PTGR1: variants seen among roughly 807,000 people sequenced by gnomAD.
PTGR1 encodes 15-oxoprostaglandin 13-reductase.
In PTGR1, 23 loss-of-function variants were observed where a neutral mutation model predicts 37.7. The ratio of observed to expected loss-of-function variants is 0.61; its 90% confidence interval spans 0.44 to 0.86. PTGR1 has a LOEUF of 0.86. Ranked by LOEUF, PTGR1 falls within the 40% of genes least tolerant of loss-of-function variation. The pLI, the probability that PTGR1 is intolerant of heterozygous loss-of-function variation, is 0.00. For synonymous variants in PTGR1, 134 were observed against 140.0 expected (o/e 0.96, Z 0.30); for missense variants, 351 against 394.3 (o/e 0.89, Z 0.93).
Position 111,581,144 on chromosome 9 carries a change from G to A in PTGR1, c.496-2193C>T, listed in dbSNP as rs373177568. Reference sequence around the variant, plus strand: ...AGCCTCAGCTATGAAAAACTTAATTGCTAATCTAGAAACTGATGCTGCTGC... The same window carrying A: ...AGCCTCAGCTATGAAAAACTTAATTACTAATCTAGAAACTGATGCTGCTGC... On this transcript the variant is annotated intron_variant, in intron 6 of 9. Transcript: ENST00000407693. Among the ~76,000 whole-genome samples the A allele has an allele frequency of 1.1e-4, 17 of 152,310 alleles. No individual in the cohort carries two copies. The South Asian group carries it at 3.1e-3, about 28-fold the overall frequency.
At chr9:111,599,376 T>TC (rs1829875231) in intron 1 of PTGR1, 1 of 152,378 alleles carries the variant, frequency 6.6e-6, no homozygotes, top group Non-Finnish European at 1.5e-5. Flanking sequence ...TCCTATTCCC[T>TC]CCGGCGCGCG....
At chr9:111,595,082 T>C (rs1589323810) in intron 2 of PTGR1, among the ~76,000 whole-genome samples, 2 of 151,978 alleles carry the variant, frequency 1.3e-5, no homozygotes, top group Admixed American at 1.3e-4. Flanking sequence ...CTCGAACTTC[T>C]AACCTCAAGA....
intron 8 of PTGR1, among the ~76,000 whole-genome samples, chr9:111,570,902 G>A (rs1828789634): frequency 6.6e-6 from 1 of 152,180 alleles, no homozygotes; most frequent in Admixed American, 6.5e-5. Context: ...TTACAGTCAG[G>A]GACAGAATAT....
chr9:111,593,935 C>A (rs1411655968), intron 3 of PTGR1, among the ~76,000 whole-genome samples: 1 of 134,974 alleles, frequency 7.4e-6, no homozygotes, highest in African/African-American at 2.7e-5. Context: ...TTTTTTCCTT[C>A]TTTTTTTTTT....
downstream of PTGR1, among the ~76,000 whole-genome samples, chr9:111,561,100 T>TAGAGAGAGAG (rs1589288997): frequency 9.5e-5 from 3 of 31,428 alleles, no homozygotes; most frequent in Non-Finnish European, 1.1e-4. Flanking sequence ...TATATATATA[T>TAGAGAGAGAG]ATATATATAT....
At chr9:111,580,056 G>C (rs951749979) in intron 6 of PTGR1, among the ~76,000 whole-genome samples, 32 of 152,262 alleles carry the variant, frequency 2.1e-4, no homozygotes, top group African/African-American at 7.2e-4. Context: ...ACTATTGCAA[G>C]AGAGCCCTCC....
chr9:111,559,584 CCACACACACACACTCA>C (rs1236823761), downstream of PTGR1, among the ~76,000 whole-genome samples: 2 of 151,568 alleles, frequency 1.3e-5, no homozygotes, highest in Non-Finnish European at 2.9e-5. Flanking sequence ...TCACCAGTGT[CCACACACACACACTCA>C]CACACACACA....
chr9:111,576,285 T>C, intron 7 of PTGR1: 6 of 1,443,740 alleles, frequency 4.2e-6, no homozygotes, highest in Non-Finnish European at 5.8e-6. Context: ...ATTTCATATT[T>C]GCATATTGTA....
chr9:111,570,557 T>C (rs1828771553), intron 8 of PTGR1, among the ~76,000 whole-genome samples: 1 of 150,896 alleles, frequency 6.6e-6, no homozygotes, highest in South Asian at 2.1e-4. Flanking sequence ...GATCACAAGG[T>C]CAGGAGTTCG....
chr9:111,565,213 GAC>G (rs2132325080), intron 9 of PTGR1, among the ~76,000 whole-genome samples: 1 of 152,232 alleles, frequency 6.6e-6, no homozygotes, highest in African/African-American at 2.4e-5. Context: ...TTAGGACATA[GAC>G]ACACAGAGAG....
intron 6 of PTGR1, 46 bp downstream of exon 6, chr9:111,583,426 C>T (rs547796183): frequency 8.1e-6 from 12 of 1,475,152 alleles, no homozygotes; most frequent in Non-Finnish European, 1.1e-5. Flanking sequence ...TGTTGCATTC[C>T]CAATGGGTTT....
intron 9 of PTGR1, among the ~76,000 whole-genome samples, chr9:111,554,159 A>G: frequency 6.6e-6 from 1 of 152,200 alleles, no homozygotes; most frequent in East Asian, 1.9e-4. Context: ...TGACATCACA[A>G]ACTACTACTA....
At chr9:111,570,615 A>T (rs762580719) in intron 8 of PTGR1, among the ~76,000 whole-genome samples, 70 of 141,218 alleles carry the variant, frequency 5.0e-4, no homozygotes, top group African/African-American at 8.0e-4. Flanking sequence ...TCTAAAAATT[A>T]AAAAAAAAAA....
chr9:111,570,304 G>A (rs1828754333), intron 8 of PTGR1, 95 bp from the exon 9 acceptor site: 1 of 1,474,362 alleles, frequency 6.8e-7, no homozygotes, highest in Non-Finnish European at 9.0e-7. Context: ...CTTGGTGCTG[G>A]GAGTTTTTTG....
intron 9 of PTGR1, among the ~76,000 whole-genome samples, chr9:111,554,173 T>C (rs1828053243): frequency 2.0e-5 from 3 of 152,232 alleles, no homozygotes; most frequent in African/African-American, 4.8e-5. Flanking sequence ...ACTACTATTA[T>C]GTTATTGGAA....
chr9:111,586,572 A>T (rs1258035102), intron 4 of PTGR1, among the ~76,000 whole-genome samples: 2 of 151,980 alleles, frequency 1.3e-5, no homozygotes, highest in Non-Finnish European at 2.9e-5. Flanking sequence ...AAATATAAGC[A>T]TGCTCAAGTC....
intron 3 of PTGR1, 116 bp downstream of exon 3, chr9:111,594,106 G>T: frequency 1.8e-6 from 2 of 1,105,752 alleles, no homozygotes; most frequent in Non-Finnish European, 2.7e-6. Flanking sequence ...TACTGGCTGG[G>T]AGAAACAGAA....
chr9:111,561,871 T>C (rs1828333831), downstream of PTGR1, among the ~76,000 whole-genome samples: 1 of 152,116 alleles, frequency 6.6e-6, no homozygotes, highest in African/African-American at 2.4e-5. Flanking sequence ...TATGCTGTTG[T>C]TTTTTTGTTT....
downstream of PTGR1, among the ~76,000 whole-genome samples, chr9:111,558,392 T>C (rs1447414864): frequency 1.3e-5 from 2 of 151,960 alleles, no homozygotes; most frequent in African/African-American, 4.8e-5. Context: ...TATAAGATGC[T>C]CCAGGCTGGG....
Sources: gnomAD v4.1 joint callset for allele counts (sites outside exome capture counted in the v4.1 genomes callset) on GRCh38, gnomAD v4.1.1 for gene constraint, MANE v1.5 for transcripts, NCBI Gene and HGNC (gene_info 2026-07-23, HGNC 2026-07-21) for gene names.